KCNMB4: variants seen among roughly 807,000 people sequenced by gnomAD.
KCNMB4 encodes calcium-activated potassium channel subunit beta-4.
A neutral mutation model predicts 20.7 loss-of-function variants in KCNMB4; 3 were observed. The observed-to-expected ratio is 0.14, with a 90% confidence interval of 0.07 to 0.37. The LOEUF (loss-of-function observed/expected upper bound fraction) is 0.37, where lower values mean the gene tolerates loss of function less well. KCNMB4 is among the 10% of genes least tolerant of loss of function. The pLI is 1.00. For missense variants in KCNMB4, 168 were observed against 265.9 expected, an observed-to-expected ratio of 0.63 and a Z score of 2.56; for synonymous variants, 110 against 113.4, an observed-to-expected ratio of 0.97 and a Z score of 0.19.
chr12:70,429,114 C>A (rs1869290181), intron 2 of KCNMB4, among the ~76,000 whole-genome samples: 1 of 152,088 alleles, frequency 6.6e-6, no homozygotes, highest in Non-Finnish European at 1.5e-5. Context: ...TACCCAACAC[C>A]CTTTGTCAAT....
intron 1 of KCNMB4, among the ~76,000 whole-genome samples, chr12:70,394,146 G>GT (rs1868328879): frequency 6.6e-6 from 1 of 152,032 alleles, no homozygotes; most frequent in African/African-American, 2.4e-5. Flanking sequence ...GCTAATCTTT[G>GT]TTTCCTATGC....
chr12:70,404,107 C>A (rs1868530249), intron 2 of KCNMB4, among the ~76,000 whole-genome samples: 1 of 152,064 alleles, frequency 6.6e-6, no homozygotes, highest in Non-Finnish European at 1.5e-5. Context: ...ATGTAAGATA[C>A]CTTAGGTAAA....
At position 70,434,179 on chromosome 12, in the gene KCNMB4, C is replaced by T. The variant is rs903196840; in HGVS notation, c.*3526C>T. 6.6e-6 allele frequency: 1 copy of T among 152,162 alleles called. No homozygotes were observed. Among genetic ancestry groups the T allele is most frequent in the Admixed American group, 6.5e-5 (1 of 15,270 alleles). The allele number at this position is 152,162 out of a possible 1,614,324, so 9.4% of individuals were successfully genotyped here. A position where few individuals can be genotyped will look rare whatever the true frequency, so the allele number is the denominator to read the frequency against. On this transcript the variant is annotated 3_prime_UTR_variant, in exon 3 of 3. Transcript: ENST00000258111. Reference sequence around the variant, plus strand: ...TGCAGGAAGCTTCACCCCAGCCTCACACTCTAAGACGGATAAAAGCCAAAC... The same window carrying T: ...TGCAGGAAGCTTCACCCCAGCCTCATACTCTAAGACGGATAAAAGCCAAAC...
chr12:70,399,485 A>C (rs1235929475), intron 1 of KCNMB4, among the ~76,000 whole-genome samples: 1 of 152,258 alleles, frequency 6.6e-6, no homozygotes, highest in African/African-American at 2.4e-5. Context: ...AGAAACTGGC[A>C]TCATCTTCGT....
chr12:70,404,966 A>G (rs952279811), intron 2 of KCNMB4, among the ~76,000 whole-genome samples: 2 of 152,172 alleles, frequency 1.3e-5, no homozygotes, highest in Non-Finnish European at 2.9e-5. Context: ...GAATCTTAGG[A>G]TCATCTACAT....
chr12:70,388,451 G>T (rs369348408), intron 1 of KCNMB4, among the ~76,000 whole-genome samples: 8 of 151,934 alleles, frequency 5.3e-5, no homozygotes, highest in African/African-American at 1.4e-4. Flanking sequence ...GTTCTCCCTA[G>T]TGGTTGTACT....
intron 1 of KCNMB4, among the ~76,000 whole-genome samples, chr12:70,393,709 G>A (rs1052354190): frequency 6.6e-6 from 1 of 152,166 alleles, no homozygotes; most frequent in South Asian, 2.1e-4. Context: ...TGGAGCGTGG[G>A]TGTATTCTCT....
At chr12:70,402,229 C>A (rs1457337550) in intron 2 of KCNMB4, among the ~76,000 whole-genome samples, 1 of 152,142 alleles carries the variant, frequency 6.6e-6, no homozygotes, top group African/African-American at 2.4e-5. Flanking sequence ...TCTGGGGTGC[C>A]TTCCTTGATC....
intron 2 of KCNMB4, among the ~76,000 whole-genome samples, chr12:70,427,814 A>G (rs1869252250): frequency 6.6e-6 from 1 of 152,182 alleles, no homozygotes; most frequent in African/African-American, 2.4e-5. Context: ...TTCTGGCTCA[A>G]TTGCACAATA....
chr12:70,369,142 C>T (rs1883547163), intron 1 of KCNMB4, among the ~76,000 whole-genome samples: 1 of 152,182 alleles, frequency 6.6e-6, no homozygotes, highest in Non-Finnish European at 1.5e-5. Flanking sequence ...AAGTCATGGA[C>T]AACATCCTAT....
At chr12:70,394,894 T>A (rs1450648293) in intron 1 of KCNMB4, among the ~76,000 whole-genome samples, 1 of 152,144 alleles carries the variant, frequency 6.6e-6, no homozygotes, top group Non-Finnish European at 1.5e-5. Flanking sequence ...CTTGAACTCC[T>A]GAGCTCAAGT....
At chr12:70,416,240 T>G (rs767169569) in intron 2 of KCNMB4, among the ~76,000 whole-genome samples, 1 of 152,170 alleles carries the variant, frequency 6.6e-6, no homozygotes, top group Non-Finnish European at 1.5e-5. Flanking sequence ...CTGCTCCATG[T>G]CAGTTTCACT....
intron 1 of KCNMB4, among the ~76,000 whole-genome samples, chr12:70,376,346 G>C (rs1017493557): frequency 6.6e-6 from 1 of 151,754 alleles, no homozygotes; most frequent in Non-Finnish European, 1.5e-5. Context: ...TTCTAGCCAG[G>C]GGCAGTTAAG....
intron 2 of KCNMB4, among the ~76,000 whole-genome samples, chr12:70,405,884 C>T (rs139175688): frequency 4.5e-4 from 69 of 152,044 alleles, no homozygotes; most frequent in African/African-American, 1.5e-3. Context: ...TAGCGAGATC[C>T]GATCTCGAAA....
intron 2 of KCNMB4, among the ~76,000 whole-genome samples, chr12:70,423,179 C>G (rs1478476407): frequency 2.0e-5 from 3 of 152,154 alleles, no homozygotes; most frequent in African/African-American, 7.2e-5. Flanking sequence ...ACATACCTGC[C>G]AGTTTTCTGG....
At chr12:70,425,232 C>G (rs533029073) in intron 2 of KCNMB4, among the ~76,000 whole-genome samples, 107 of 152,102 alleles carry the variant, frequency 7.0e-4, no homozygotes, top group African/African-American at 2.4e-3. Flanking sequence ...GTCAGGAGAT[C>G]AAGACCATCC....
intron 2 of KCNMB4, among the ~76,000 whole-genome samples, chr12:70,425,236 A>G (rs996047853): frequency 2.6e-5 from 4 of 152,100 alleles, no homozygotes; most frequent in African/African-American, 9.7e-5. Flanking sequence ...GGAGATCAAG[A>G]CCATCCTGGC....
intron 2 of KCNMB4, among the ~76,000 whole-genome samples, chr12:70,426,940 A>G (rs1396349483): frequency 2.6e-5 from 4 of 152,150 alleles, no homozygotes; most frequent in Non-Finnish European, 4.4e-5. Context: ...CCAGGGCTTA[A>G]AAGTGTTTTT....
chr12:70,389,279 G>A (rs1868281423), intron 1 of KCNMB4, among the ~76,000 whole-genome samples: 2 of 151,900 alleles, frequency 1.3e-5, no homozygotes, highest in Non-Finnish European at 2.9e-5. Context: ...CCTTTCCTGT[G>A]TACCTTTCTC....
Sources: gnomAD v4.1 joint callset for allele counts (sites outside exome capture counted in the v4.1 genomes callset) on GRCh38, gnomAD v4.1.1 for gene constraint, MANE v1.5 for transcripts, NCBI Gene and HGNC (gene_info 2026-07-23, HGNC 2026-07-21) for gene names.